Variants in MBD5 observed in about 807,000 individuals in gnomAD.
MBD5 encodes methyl-CpG-binding domain protein 5.
MBD5 carries 13 observed loss-of-function variants against 117.3 expected under a neutral mutation model. The ratio of observed to expected loss-of-function variants is 0.11; its 90% CI spans 0.07 to 0.18. MBD5 has a LOEUF of 0.18. Ranked by LOEUF, MBD5 falls within the 10% of genes least tolerant of loss-of-function variation. The pLI is 1.00. For missense variants in MBD5, 1,879 were observed against 2,093.8 expected (o/e 0.90, Z 2.00); for synonymous variants, 727 against 766.4 (o/e 0.95, Z 0.85).
In MBD5 at chr2:148,045,105, A is replaced by G. The variant is rs12477720; in HGVS notation, c.-925+23421A>G. ...AATAAGAGGTGTATTATATTTTCCT[A>G]TTTGACAAAATGGAGTATAATGGTT... is the stretch of plus-strand genomic sequence containing the variant. On this transcript the variant is annotated intron_variant, in intron 1 of 13. Coordinates refer to ENST00000642680, the MANE Select transcript of MBD5 (RefSeq NM_001378120.1). Among the ~76,000 whole-genome samples the G allele has an allele frequency of 7.0e-3, 1,062 of 152,254 alleles. 6 individuals carry two copies. The highest frequency in any genetic ancestry group is 0.022 in the Admixed American group (344 of 15,290).
intron 1 of MBD5, among the ~76,000 whole-genome samples, chr2:148,037,667 T>G (rs915090687): frequency 2.0e-5 from 3 of 151,964 alleles, no homozygotes; most frequent in Non-Finnish European, 4.4e-5. Context: ...TGTATTCGCA[T>G]TATAAATGCA....
chr2:148,255,258 G>A (rs963405371), intron 3 of MBD5, among the ~76,000 whole-genome samples: 7 of 148,892 alleles, frequency 4.7e-5, no homozygotes, highest in Admixed American at 2.7e-4. Flanking sequence ...CTGGGCAGTC[G>A]TACCACACCT....
Position 148,414,119 on chromosome 2 carries a change from T to C in MBD5, c.-556-44084T>C, listed in dbSNP as rs188358907. On this transcript the variant is annotated intron_variant, in intron 4 of 13. Coordinates refer to ENST00000642680, the MANE Select transcript of MBD5 (RefSeq NM_001378120.1). ...GTAGGCATTTAGTGCTATAAACGTT[T>C]CTCTTTACACTGCTTTAGCTGTGCC... 7.4e-3 allele frequency among the ~76,000 whole-genome samples: 1,132 copies of C among 152,232 alleles called. 6 individuals are homozygous for C. The highest frequency in any genetic ancestry group is 0.01 in the Non-Finnish European group (702 of 67,982).
intron 1 of MBD5, among the ~76,000 whole-genome samples, chr2:148,117,687 A>G (rs555981560): frequency 6.6e-6 from 1 of 152,350 alleles, no homozygotes; most frequent in Non-Finnish European, 1.5e-5. Flanking sequence ...TGCCATCTCC[A>G]TCATCAAAAT....
At chr2:148,142,865 T>G (rs984887604) in intron 1 of MBD5, among the ~76,000 whole-genome samples, 3 of 152,124 alleles carry the variant, frequency 2.0e-5, no homozygotes, top group Admixed American at 6.6e-5. Context: ...CATATAAAAC[T>G]AGGTGATTGA....
At chr2:148,347,910 T>C (rs1703160684) in intron 4 of MBD5, among the ~76,000 whole-genome samples, 1 of 151,946 alleles carries the variant, frequency 6.6e-6, no homozygotes, top group African/African-American at 2.4e-5. Context: ...ATGCCACTTT[T>C]ACTAGTAGAA....
At chr2:148,340,839 C>CAT (rs1702927187) in intron 3 of MBD5, among the ~76,000 whole-genome samples, 2 of 23,298 alleles carry the variant, frequency 8.6e-5, no homozygotes, top group South Asian at 2.1e-3. Context: ...ACCACACATA[C>CAT]ACACACACAC....
intron 3 of MBD5, among the ~76,000 whole-genome samples, chr2:148,259,764 C>T (rs148141594): frequency 6.6e-6 from 1 of 152,300 alleles, no homozygotes; most frequent in East Asian, 1.9e-4. Context: ...ATGCTCCTCA[C>T]GTGGTGTGGT....
At chr2:148,511,120 T>A (rs1271454016) in intron 13 of MBD5, among the ~76,000 whole-genome samples, 1 of 152,132 alleles carries the variant, frequency 6.6e-6, no homozygotes, top group Non-Finnish European at 1.5e-5. Flanking sequence ...TCTTTCTGTA[T>A]CTAGTGACCA....
At chr2:148,045,648 A>G (rs772287050) in intron 1 of MBD5, among the ~76,000 whole-genome samples, 8 of 152,190 alleles carry the variant, frequency 5.3e-5, no homozygotes, top group Non-Finnish European at 8.8e-5. Context: ...CTGACCCCAT[A>G]GTGCTTATAA....
At chr2:148,417,121 C>A (rs1705442989) in intron 4 of MBD5, among the ~76,000 whole-genome samples, 8 of 151,864 alleles carry the variant, frequency 5.3e-5, no homozygotes. Flanking sequence ...ATCTTCTTGA[C>A]ATAATGAATT....
chr2:148,389,292 A>ATATAT (rs1704489425), intron 4 of MBD5, among the ~76,000 whole-genome samples: 1 of 103,056 alleles, frequency 9.7e-6, no homozygotes, highest in Non-Finnish European at 1.9e-5. Context: ...ATATATATAT[A>ATATAT]TATATATATA....
At chr2:148,126,164 G>A (rs1198659226) in intron 1 of MBD5, among the ~76,000 whole-genome samples, 4 of 152,022 alleles carry the variant, frequency 2.6e-5, no homozygotes, top group African/African-American at 7.3e-5. Context: ...GGGAGGCCGA[G>A]GCAGGCGGAT....
At chr2:148,446,553 C>T (rs1706532021) in intron 4 of MBD5, among the ~76,000 whole-genome samples, 1 of 151,230 alleles carries the variant, frequency 6.6e-6, no homozygotes, top group Non-Finnish European at 1.5e-5. Context: ...GGATCTAACA[C>T]AGACCATCTA....
chr2:148,098,028 C>T (rs1020253631), intron 1 of MBD5, among the ~76,000 whole-genome samples: 3 of 152,138 alleles, frequency 2.0e-5, no homozygotes, highest in Admixed American at 6.5e-5. Flanking sequence ...ATTCTGATGG[C>T]AGTGGGAAGT....
intron 1 of MBD5, chr2:148,025,554 A>C (rs1419635644): frequency 6.6e-6 from 1 of 151,040 alleles, no homozygotes; most frequent in Non-Finnish European, 1.5e-5. Flanking sequence ...TTTCCAAAAA[A>C]AAAAAAACAC....
At chr2:148,389,286 A>C (rs1704488108) in intron 4 of MBD5, among the ~76,000 whole-genome samples, 1 of 103,940 alleles carries the variant, frequency 9.6e-6, no homozygotes, top group African/African-American at 4.0e-5. Flanking sequence ...ATATATATAT[A>C]TATATATATA....
chr2:148,504,794 G>A (rs1279728506), intron 12 of MBD5, among the ~76,000 whole-genome samples: 1 of 152,174 alleles, frequency 6.6e-6, no homozygotes, highest in Non-Finnish European at 1.5e-5. Flanking sequence ...GTTTAGATGA[G>A]AGCAGCAGTT....
intron 4 of MBD5, among the ~76,000 whole-genome samples, chr2:148,380,683 T>C (rs1704111895): frequency 6.6e-6 from 1 of 152,022 alleles, no homozygotes; most frequent in Non-Finnish European, 1.5e-5. Context: ...CTCAAGTGGG[T>C]CCCTGACCCC....
Sources: allele counts gnomAD v4.1 joint callset (sites outside exome capture counted in the v4.1 genomes callset), GRCh38; gene constraint gnomAD v4.1.1; transcripts MANE v1.5; gene names NCBI Gene and HGNC (gene_info 2026-07-23, HGNC 2026-07-21).